AKAP19: variants seen among roughly 807,000 people sequenced by gnomAD.
AKAP19 encodes small A-kinase anchoring protein.
At chr2:190,078,373 C>T in the AKAP19 span, among the ~76,000 whole-genome samples, 3 of 152,098 alleles carry the variant, frequency 2.0e-5, no homozygotes, top group African/African-American at 7.2e-5. Context: ...AAATATACTA[C>T]CTGGTTACTA....
At chr2:189,987,105 G>A in the AKAP19 span, among the ~76,000 whole-genome samples, 106 of 152,276 alleles carry the variant, frequency 7.0e-4, 1 homozygote, top group African/African-American at 2.5e-3. Flanking sequence ...AGCTTGAATT[G>A]TATCTCCCAG....
the AKAP19 span, among the ~76,000 whole-genome samples, chr2:189,929,963 T>G: frequency 0.7 from 107,233 of 152,118 alleles, 42,594 homozygotes; most frequent in Non-Finnish European, 0.89. Context: ...ACATACAATT[T>G]AAACAAATAC....
the AKAP19 span, among the ~76,000 whole-genome samples, chr2:190,140,707 G>A: frequency 6.6e-6 from 1 of 152,200 alleles, no homozygotes; most frequent in African/African-American, 2.4e-5. Flanking sequence ...TAGGCCTCCA[G>A]GCCTGTGATG....
chr2:189,902,546 C>A, the AKAP19 span, among the ~76,000 whole-genome samples: 6 of 151,772 alleles, frequency 4.0e-5, no homozygotes, highest in African/African-American at 1.5e-4. Flanking sequence ...AGAGCTTTTC[C>A]TTTCTTATTT....
the AKAP19 span, among the ~76,000 whole-genome samples, chr2:189,941,938 T>C: frequency 9.2e-5 from 14 of 152,106 alleles, no homozygotes; most frequent in African/African-American, 3.1e-4. Context: ...CCTATAAAGA[T>C]GTACATAGAC....
the AKAP19 span, among the ~76,000 whole-genome samples, chr2:190,174,719 G>A: frequency 6.6e-6 from 1 of 152,078 alleles, no homozygotes; most frequent in South Asian, 2.1e-4. Context: ...TTGGACCAAT[G>A]GTTATTGCAG....
the AKAP19 span, among the ~76,000 whole-genome samples, chr2:190,017,058 G>T: frequency 1.3e-5 from 2 of 152,020 alleles, no homozygotes; most frequent in African/African-American, 4.8e-5. Flanking sequence ...TCTTCTTACA[G>T]TTTGACTTGA....
At chr2:190,062,689 C>A in the AKAP19 span, 1 of 1,228,694 alleles carries the variant, frequency 8.1e-7, no homozygotes, top group Non-Finnish European at 1.1e-6. Context: ...AATTTTAATG[C>A]ATGTACAGTC....
At chr2:190,145,510 A>T in the AKAP19 span, among the ~76,000 whole-genome samples, 1 of 152,172 alleles carries the variant, frequency 6.6e-6, no homozygotes, top group African/African-American at 2.4e-5. Context: ...TTGGTCAATG[A>T]CCGACTGCAT....
At chr2:190,184,357 A>G in the AKAP19 span, among the ~76,000 whole-genome samples, 17 of 152,220 alleles carry the variant, frequency 1.1e-4, no homozygotes, top group Non-Finnish European at 2.2e-4. Flanking sequence ...TAGTCTTTGC[A>G]TGTAAACAGC....
chr2:189,967,824 C>T, the AKAP19 span, among the ~76,000 whole-genome samples: 27 of 146,452 alleles, frequency 1.8e-4, no homozygotes, highest in Non-Finnish European at 3.4e-4. Flanking sequence ...GACCCCATCT[C>T]TAAAAAAAAT....
chr2:189,921,021 CT>C, the AKAP19 span, among the ~76,000 whole-genome samples: 2 of 152,018 alleles, frequency 1.3e-5, no homozygotes, highest in African/African-American at 4.8e-5. Context: ...GACCTTTTTT[CT>C]TTTTTCTTTG....
At chr2:190,110,019 G>A in the AKAP19 span, among the ~76,000 whole-genome samples, 1 of 152,188 alleles carries the variant, frequency 6.6e-6, no homozygotes, top group African/African-American at 2.4e-5. Context: ...TAGGTCTGGG[G>A]TAGGGTGAGA....
the AKAP19 span, chr2:190,203,175 C>G: frequency 6.0e-6 from 1 of 166,904 alleles, no homozygotes; most frequent in Non-Finnish European, 1.5e-5. Flanking sequence ...TTTTAGAAAT[C>G]GAAAGTTAGA....
At chr2:190,016,937 T>C in the AKAP19 span, among the ~76,000 whole-genome samples, 2 of 152,188 alleles carry the variant, frequency 1.3e-5, no homozygotes, top group Non-Finnish European at 2.9e-5. Context: ...CATATATTAA[T>C]ATTTGCTTTA....
chr2:190,140,339 T>C, the AKAP19 span, among the ~76,000 whole-genome samples: 1 of 152,196 alleles, frequency 6.6e-6, no homozygotes. Flanking sequence ...ACAGCTCCAC[T>C]AGGCAGTGCC....
chr2:190,060,115 C>A, the AKAP19 span: 2 of 1,612,894 alleles, frequency 1.2e-6, no homozygotes, highest in South Asian at 2.2e-5. Flanking sequence ...TGACCATTCT[C>A]ATCTAAAGCT....
At chr2:189,981,313 G>C in the AKAP19 span, among the ~76,000 whole-genome samples, 1 of 126,986 alleles carries the variant, frequency 7.9e-6, no homozygotes, top group South Asian at 2.5e-4. Flanking sequence ...TTTGAAGTCT[G>C]TTTTATTTGG....
At chr2:190,074,510 G>A in the AKAP19 span, among the ~76,000 whole-genome samples, 1 of 152,044 alleles carries the variant, frequency 6.6e-6, no homozygotes, top group South Asian at 2.1e-4. Flanking sequence ...AATTAGCTGG[G>A]CGTGGTGGCG....
Sources: gnomAD v4.1 joint callset for allele counts (sites outside exome capture counted in the v4.1 genomes callset) on GRCh38, gnomAD v4.1.1 for gene constraint, MANE v1.5 for transcripts, NCBI Gene and HGNC (gene_info 2026-07-23, HGNC 2026-07-21) for gene names.